The following NCKAP1 variants were observed in gnomAD, a reference collection of about 807,000 sequenced individuals.
NCKAP1 encodes the protein NCK associated protein 1.
NCKAP1 carries 21 observed loss-of-function variants against 151.2 expected under a neutral mutation model. That is an observed-to-expected ratio of 0.14 (90% CI 0.10 to 0.20). NCKAP1 has a LOEUF of 0.20. Ranked by LOEUF, NCKAP1 falls within the 10% of genes least tolerant of loss-of-function variation. The pLI is 1.00. For synonymous variants in NCKAP1, 484 were observed against 451.8 expected, an observed-to-expected ratio of 1.07 and a Z score of -0.90; for missense variants, 933 against 1,352.1, an observed-to-expected ratio of 0.69 and a Z score of 4.86.
At position 182,941,956 on chromosome 2, in the gene NCKAP1, AAG is replaced by A. The variant is rs1300229873; in HGVS notation, c.2695+112_2695+113del. The A allele has an allele frequency of 2.1e-5, 16 of 768,830 alleles. 1 individual carries two copies. The Admixed American group carries it at 3.2e-4, about 15-fold the overall frequency. 47.6% of individuals were successfully genotyped at this position (768,830 alleles called of 1,614,324 possible). On this transcript the variant is annotated intron_variant, in intron 24 of 30. Transcript: ENST00000361354. ...ATGTTCTAGTTCTCTTCATAAGCTA[AAG>A]AGTACTTTTCATAATTTACTACTTG...
At position 182,928,102 on chromosome 2, in the gene NCKAP1, T is replaced by C. The variant is rs1223086896; in HGVS notation, c.3180+15A>G. 22 of 1,533,616 alleles carry C rather than the reference T, an allele frequency of 1.4e-5. No homozygotes were observed. Among genetic ancestry groups the C allele is most frequent in the Non-Finnish European group, 1.9e-5 (21 of 1,119,398 alleles). On this transcript the variant is annotated intron_variant, in intron 29 of 30. Transcript: ENST00000361354. ...TTATAAAATGTGATGAGTTTTGTTA[T>C]TTGATTATACATACCGCCAGAAATT...
chr2:182,995,599 T>C (rs760413541), intron 7 of NCKAP1, 102 bp downstream of exon 7: 3 of 1,099,054 alleles, frequency 2.7e-6, no homozygotes, highest in Non-Finnish European at 3.9e-6. Flanking sequence ...CTTCAACTAA[T>C]AAGCTAATGC....
In NCKAP1 at chr2:182,923,324, G is replaced by C. The variant is rs1696581564; in HGVS notation, c.*2378C>G. ...GTCTCATTCTGTCATCCAGGCTGGAGTGCAGTGGTGTGATCTCAGCTCACA... is the reference window on the plus strand; with the variant it reads ...GTCTCATTCTGTCATCCAGGCTGGACTGCAGTGGTGTGATCTCAGCTCACA... On this transcript the variant is annotated 3_prime_UTR_variant, in exon 31 of 31. Transcript: ENST00000361354. 6.6e-6 allele frequency: 1 copy of C among 151,874 alleles called. No individual in the cohort carries two copies. The highest frequency in any genetic ancestry group is 6.6e-5 in the Admixed American group (1 of 15,236). The allele number at this position is 151,874 out of a possible 1,614,324, so 9.4% of individuals were successfully genotyped here.
At chr2:182,977,806 C>A (rs772400557) in intron 14 of NCKAP1, among the ~76,000 whole-genome samples, 2 of 152,118 alleles carry the variant, frequency 1.3e-5, no homozygotes, top group African/African-American at 2.4e-5. Context: ...TATGAATATA[C>A]TTAACACTAC....
In NCKAP1 at chr2:182,941,393, C is replaced by T. The variant is rs186971660; in HGVS notation, c.2695+677G>A. On this transcript the variant is annotated intron_variant, in intron 24 of 30. Transcript: ENST00000361354. ...TTAAGTTGTAGGTTCAGGTTTTCATCAATCTTAGCTAATAACAAAAAGAAA... is the reference window on the plus strand; with the variant it reads ...TTAAGTTGTAGGTTCAGGTTTTCATTAATCTTAGCTAATAACAAAAAGAAA... 5.4e-3 allele frequency among the ~76,000 whole-genome samples: 826 copies of T among 152,238 alleles called. 6 individuals carry two copies. Among genetic ancestry groups the T allele is most frequent in the Non-Finnish European group, 9.0e-3 (611 of 68,004 alleles).
intron 16 of NCKAP1, 92 bp downstream of exon 16, chr2:182,967,124 T>C (rs1697588272): frequency 8.3e-7 from 1 of 1,203,202 alleles, no homozygotes; most frequent in Non-Finnish European, 1.2e-6. Flanking sequence ...TACTGAACTG[T>C]CTTAAGGACT....
intron 26 of NCKAP1, among the ~76,000 whole-genome samples, chr2:182,933,382 GCAC>G (rs1309335194): frequency 2.9e-5 from 4 of 136,936 alleles, no homozygotes; most frequent in Non-Finnish European, 6.1e-5. Flanking sequence ...AGTTTGAGTG[GCAC>G]CACATTTTTT....
At chr2:182,973,706 C>T (rs1236772610) in intron 15 of NCKAP1, among the ~76,000 whole-genome samples, 1 of 152,140 alleles carries the variant, frequency 6.6e-6, no homozygotes, top group East Asian at 1.9e-4. Flanking sequence ...TCTTGCACTT[C>T]TACCTGAAAC....
At chr2:182,931,076 T>C (rs553461799) in intron 26 of NCKAP1, among the ~76,000 whole-genome samples, 2 of 152,234 alleles carry the variant, frequency 1.3e-5, no homozygotes, top group South Asian at 4.1e-4. Flanking sequence ...CTTGGAAGCA[T>C]GAATATAAAA....
At chr2:182,976,092 C>CA (rs1290900626) in intron 15 of NCKAP1, among the ~76,000 whole-genome samples, 2 of 152,030 alleles carry the variant, frequency 1.3e-5, no homozygotes, top group African/African-American at 4.8e-5. Flanking sequence ...CACAATGAGT[C>CA]AAATGACTAT....
intron 8 of NCKAP1, among the ~76,000 whole-genome samples, chr2:182,989,482 A>G (rs1316461022): frequency 2.6e-5 from 4 of 152,210 alleles, no homozygotes; most frequent in Non-Finnish European, 5.9e-5. Context: ...AATATTTTCA[A>G]CCAAAGATCA....
At chr2:183,004,416 A>G (rs1398146282) in intron 2 of NCKAP1, among the ~76,000 whole-genome samples, 1 of 151,568 alleles carries the variant, frequency 6.6e-6, no homozygotes, top group Non-Finnish European at 1.5e-5. Flanking sequence ...CAGAAAATTT[A>G]CAGCAGTGAG....
At chr2:182,979,326 C>A (rs1209451768) in intron 13 of NCKAP1, among the ~76,000 whole-genome samples, 1 of 151,932 alleles carries the variant, frequency 6.6e-6, no homozygotes, top group Non-Finnish European at 1.5e-5. Context: ...AATAGTTGCA[C>A]AAATGCATAC....
chr2:182,987,961 T>C (rs1245259081), intron 9 of NCKAP1, among the ~76,000 whole-genome samples: 1 of 152,210 alleles, frequency 6.6e-6, no homozygotes, highest in East Asian at 1.9e-4. Context: ...ATGGAAATGT[T>C]CTTACATCTT....
At chr2:182,962,044 G>T in intron 18 of NCKAP1, 115 bp downstream of exon 18, 1 of 1,101,756 alleles carries the variant, frequency 9.1e-7, no homozygotes, top group Non-Finnish European at 1.3e-6. Context: ...GAGGTTTGAG[G>T]TTTACTAATA....
chr2:182,931,258 A>G lies in NCKAP1; in HGVS notation c.2860-470T>C, dbSNP rs912218543. Among the ~76,000 whole-genome samples the G allele has an allele frequency of 2.0e-5, 3 of 152,114 alleles. No homozygotes were observed. In the East Asian group the frequency reaches 5.8e-4, roughly 29 times the overall value. On this transcript the variant is annotated intron_variant, in intron 26 of 30. Transcript: ENST00000361354. ...GTTTTTTTAAGGAGTATTCATTTAA[A>G]AATCTGATAAGGGAATTTCTAATAA...
chr2:183,023,912 C>T lies in NCKAP1; in HGVS notation c.113G>A (p.Cys38Tyr). The part of the protein sequence containing the change: ...LTRLYNIKKA[C>Y]GDPKAKPSYL... ...GGATGGTTTTGCCTTGGGGTCTCCA[C>T]ATGCCTATAAAACAACAGTAATAAA... Residue 38 changes from cysteine to tyrosine, a missense_variant, in exon 2 of 31, where the codon TGT becomes TAT. Cys to Tyr is a radical substitution (Grantham distance 194). Around this residue, in one of 2 missense-constraint regions of NCKAP1, gnomAD observed 607 missense variants for 795.0 expected, o/e 0.76. Coordinates refer to ENST00000361354, the MANE Select transcript of NCKAP1 (RefSeq NM_013436.5). 6.3e-7 allele frequency: 1 copy of T among 1,599,480 alleles called. No homozygotes were observed. Among genetic ancestry groups the T allele is most frequent in the Non-Finnish European group, 8.5e-7 (1 of 1,171,332 alleles).
chr2:183,031,904 GA>G (rs1400414658), intron 1 of NCKAP1, among the ~76,000 whole-genome samples: 1 of 152,178 alleles, frequency 6.6e-6, no homozygotes, highest in African/African-American at 2.4e-5. Context: ...TTTGCTAGTA[GA>G]CAGCCAATGT....
chr2:182,962,596 GT>G (rs1291161034), intron 17 of NCKAP1, among the ~76,000 whole-genome samples: 5 of 152,024 alleles, frequency 3.3e-5, no homozygotes, highest in Non-Finnish European at 7.4e-5. Flanking sequence ...GTTCTTAAAT[GT>G]TAAAATATTA....
Sources: allele counts gnomAD v4.1 joint callset (sites outside exome capture counted in the v4.1 genomes callset), GRCh38; gene constraint gnomAD v4.1.1; regional missense constraint gnomAD v4.1.1; transcripts MANE v1.5; gene names NCBI Gene and HGNC (gene_info 2026-07-23, HGNC 2026-07-21).